Variants in LY75 observed in about 807,000 individuals in gnomAD.
The protein encoded by LY75 is lymphocyte antigen 75.
Under a neutral mutation model 231.7 loss-of-function variants are expected in LY75, and 185 were observed. The observed-to-expected ratio is 0.80, with a 90% CI of 0.71 to 0.90. LY75 has a LOEUF of 0.90. LY75 is among the 40% of genes least tolerant of loss of function. The pLI, the probability that LY75 is intolerant of heterozygous loss-of-function variation, is 0.00. For synonymous variants in LY75, 668 were observed against 689.0 expected (o/e 0.97, Z 0.48); for missense variants, 1,947 against 2,050.2 (o/e 0.95, Z 0.97).
chr2:159,876,933 C>G (rs368759470), intron 11 of LY75, among the ~76,000 whole-genome samples: 1 of 131,882 alleles, frequency 7.6e-6, no homozygotes, highest in Non-Finnish European at 1.5e-5. Context: ...TGTTTGTACA[C>G]GGGAGGCAGA....
intron 30 of LY75, 91 bp from the exon 31 acceptor site, chr2:159,815,664 T>A: frequency 7.2e-7 from 1 of 1,395,924 alleles, no homozygotes; most frequent in South Asian, 1.3e-5. Flanking sequence ...AGAAATATTA[T>A]AATGGAATAT....
rs370794967 is a variant in LY75 at position 159,887,211 on chromosome 2, TCACACA to T, written c.803-687_803-682del. Among the ~76,000 whole-genome samples, 248 of 129,974 alleles carry T rather than the reference TCACACA, an allele frequency of 1.9e-3. 2 individuals are homozygous for T. The highest frequency in any genetic ancestry group is 7.6e-3 in the Middle Eastern group (2 of 262). 85.3% of individuals were successfully genotyped at this position (129,974 alleles called of 152,430 possible). A position where few individuals can be genotyped will look rare whatever the true frequency, so the allele number is the denominator to read the frequency against. ...TAGAGATACAGAATGAGAGTGAGAG[TCACACA>T]CACACACACACACACACACACACAC... On this transcript the variant is annotated intron_variant, in intron 4 of 34. Transcript: ENST00000263636.
At chr2:159,870,773 A>C (rs1329666685) in intron 13 of LY75, among the ~76,000 whole-genome samples, 1 of 151,950 alleles carries the variant, frequency 6.6e-6, no homozygotes, top group Non-Finnish European at 1.5e-5. Context: ...CAGGCCCCCA[A>C]AGTGCTGGGA....
chr2:159,887,572 AAAAAAAAAAAAAG>A (rs1685631786), intron 4 of LY75, among the ~76,000 whole-genome samples: 1 of 146,904 alleles, frequency 6.8e-6, no homozygotes, highest in African/African-American at 2.6e-5. Flanking sequence ...ACAACAAAAA[AAAAAAAAAAAAAG>A]AAAAAAGAAA....
chr2:159,866,422 G>A (rs1203998051), intron 13 of LY75, among the ~76,000 whole-genome samples: 1 of 152,114 alleles, frequency 6.6e-6, no homozygotes, highest in African/African-American at 2.4e-5. Flanking sequence ...TATGAATGAG[G>A]ACTGTCCTGT....
Position 159,898,920 on chromosome 2 carries a change from C to G in LY75, c.234G>C (p.Leu78Phe), listed in dbSNP as rs1040986407. 6.2e-7 allele frequency: 1 copy of G among 1,614,198 alleles called. No homozygotes were observed. Among genetic ancestry groups the G allele is most frequent in the African/African-American group, 1.3e-5 (1 of 75,044 alleles). Residue 78 changes from leucine (L) to phenylalanine (F), a missense_variant, in exon 2 of 35, where the codon TTG becomes TTC. Transcript: ENST00000263636. The part of the protein sequence containing the change: ...KWVSQHRLFH[L>F]HSQKCLGLDI... ...CGAGGCCAAGGCACTTTTGGGAGTG[C>G]AAATGAAAGAGCCGATGCTGGGACA...
intron 23 of LY75, among the ~76,000 whole-genome samples, chr2:159,847,987 G>A (rs536551889): frequency 4.0e-5 from 6 of 151,114 alleles, no homozygotes; most frequent in Non-Finnish European, 8.8e-5. Flanking sequence ...GAAATATTGT[G>A]CAATCCAATT....
intron 14 of LY75, 59 bp from the exon 15 acceptor site, chr2:159,860,948 G>A (rs181006638): frequency 6.2e-7 from 1 of 1,602,652 alleles, no homozygotes; most frequent in African/African-American, 1.3e-5. Context: ...TTGCAATTTA[G>A]ATGTAATTTA....
rs200758994 is a variant in LY75 at position 159,842,217 on chromosome 2, C to T, written c.3280+28G>A. 1.5e-3 allele frequency: 2,446 copies of T among 1,594,146 alleles called. 45 individuals are homozygous for T. In the South Asian group the frequency reaches 0.025, roughly 16 times the overall value. ...TATATATATGTAATAGCATAAAGTACCATAGTTATCTAGATAATAATTGTT... is the reference window on the plus strand; with the variant it reads ...TATATATATGTAATAGCATAAAGTATCATAGTTATCTAGATAATAATTGTT... On this transcript the variant is annotated intron_variant, in intron 24 of 34. Coordinates refer to ENST00000263636, the MANE Select transcript of LY75 (RefSeq NM_002349.4).
chr2:159,894,154 T>G, intron 2 of LY75, 70 bp from the exon 3 acceptor site: 1 of 1,504,472 alleles, frequency 6.6e-7, no homozygotes, highest in South Asian at 1.3e-5. Flanking sequence ...GGCTAATTTC[T>G]AAAACTGTTT....
chr2:159,814,259 T>C (rs1486380231), intron 31 of LY75, among the ~76,000 whole-genome samples: 2 of 152,206 alleles, frequency 1.3e-5, no homozygotes, highest in Non-Finnish European at 2.9e-5. Flanking sequence ...CAGCCTCTAA[T>C]GGAAGAGGCT....
At chr2:159,862,295 A>AAG (rs1684731887) in intron 14 of LY75, among the ~76,000 whole-genome samples, 1 of 151,336 alleles carries the variant, frequency 6.6e-6, no homozygotes, top group East Asian at 1.9e-4. Flanking sequence ...ACGTCTCAAA[A>AAG]AAAAAAAAAA....
chr2:159,866,498 T>A (rs1684862306), intron 13 of LY75, among the ~76,000 whole-genome samples: 1 of 152,180 alleles, frequency 6.6e-6, no homozygotes, highest in South Asian at 2.1e-4. Flanking sequence ...GGACCTAAGA[T>A]ATATCCAGTG....
intron 14 of LY75, among the ~76,000 whole-genome samples, chr2:159,864,030 T>C (rs955880881): frequency 2.6e-5 from 4 of 152,216 alleles, no homozygotes; most frequent in African/African-American, 9.6e-5. Context: ...CATCTAGATT[T>C]GTTTAAGTAT....
rs748257051 is a variant in LY75 at position 159,878,355 on chromosome 2, TA to T, written c.1742del (p.Val581GlufsTer31). ...WATVGGRRRA[V>X]TFSNWNFLEP... is the part of the protein sequence containing the mutation. ...CAAGAAAATTCCAGTTGGAAAAGGT[TA>T]CAGCCCGCCTTCTTCCACCAACAGT... On this transcript the variant is annotated frameshift_variant, in exon 11 of 35. Transcript: ENST00000263636. LOFTEE classifies it high-confidence loss of function. 3.1e-6 allele frequency: 5 copies of T among 1,613,954 alleles called. No homozygotes were observed. The East Asian group carries it at 8.9e-5, about 29-fold the overall frequency.
At chr2:159,896,540 T>A (rs574296424) in intron 2 of LY75, among the ~76,000 whole-genome samples, 1 of 152,306 alleles carries the variant, frequency 6.6e-6, no homozygotes, top group African/African-American at 2.4e-5. Context: ...GGGACTTGGG[T>A]ATCTTGTATG....
intron 15 of LY75, among the ~76,000 whole-genome samples, chr2:159,859,444 A>G (rs1684635341): frequency 1.3e-5 from 2 of 151,998 alleles, no homozygotes; most frequent in Non-Finnish European, 2.9e-5. Flanking sequence ...TTTTCACTCT[A>G]TATATTGGCA....
chr2:159,855,594 T>A (rs1684524693), intron 16 of LY75, among the ~76,000 whole-genome samples: 1 of 152,184 alleles, frequency 6.6e-6, no homozygotes. Flanking sequence ...AATGCCCTTA[T>A]GCATTTTGCT....
At chr2:159,820,890 A>G (rs1007828534) in intron 28 of LY75, among the ~76,000 whole-genome samples, 1 of 152,146 alleles carries the variant, frequency 6.6e-6, no homozygotes, top group African/African-American at 2.4e-5. Flanking sequence ...CCCAGGCTGG[A>G]GTGCAGTGGC....
Sources: gnomAD v4.1 joint callset for allele counts (sites outside exome capture counted in the v4.1 genomes callset) on GRCh38, gnomAD v4.1.1 for gene constraint, MANE v1.5 for transcripts, NCBI Gene and HGNC (gene_info 2026-07-23, HGNC 2026-07-21) for gene names.